The following TANK variants were observed in gnomAD, a reference collection of about 807,000 sequenced individuals.
The protein encoded by TANK is TRAF family member-associated NF-kappa-B activator.
In TANK, 15 loss-of-function variants were observed where a neutral mutation model predicts 43.6. The ratio of observed to expected loss-of-function variants is 0.34; its 90% CI spans 0.23 to 0.53. The LOEUF (loss-of-function observed/expected upper bound fraction) is 0.53, where lower values mean the gene tolerates loss of function less well. Among genes scored for constraint, TANK ranks in the 20% least tolerant of loss-of-function variants. The probability of loss-of-function intolerance (pLI) is 0.94; values close to 1 mark genes in which losing one functional copy is unlikely to be tolerated. For synonymous variants in TANK, 162 were observed against 178.2 expected (o/e 0.91, Z 0.73); for missense variants, 417 against 498.6 (o/e 0.84, Z 1.56).
At chr2:161,199,060 T>C (rs147386491) in intron 2 of TANK, among the ~76,000 whole-genome samples, 4 of 152,318 alleles carry the variant, frequency 2.6e-5, no homozygotes, top group African/African-American at 7.2e-5. Context: ...TTTAATTAGA[T>C]TGTGTCTAAT....
intron 1 of TANK, chr2:161,137,866 T>C (rs3769984): frequency 0.11 from 17,558 of 153,740 alleles, 1,752 homozygotes; most frequent in African/African-American, 0.26. Context: ...CCCAGCTACT[T>C]AGGAGGCTGA....
intron 4 of TANK, among the ~76,000 whole-genome samples, chr2:161,215,793 CA>C (rs1245412620): frequency 6.6e-6 from 1 of 152,178 alleles, no homozygotes; most frequent in Non-Finnish European, 1.5e-5. Context: ...TGCACCTATA[CA>C]CTCTGAGCTT....
At chr2:161,170,531 T>G (rs1272556403) in intron 1 of TANK, among the ~76,000 whole-genome samples, 2 of 152,218 alleles carry the variant, frequency 1.3e-5, no homozygotes, top group Non-Finnish European at 2.9e-5. Flanking sequence ...CCTGCGTTGG[T>G]GCATATTTGT....
intron 5 of TANK, 64 bp downstream of exon 5, chr2:161,224,055 T>TCA: frequency 1.7e-6 from 2 of 1,160,422 alleles, no homozygotes; most frequent in Non-Finnish European, 2.4e-6. Context: ...ATTTTATATT[T>TCA]GTTTTTTTTA....
intron 4 of TANK, chr2:161,219,850 A>G (rs1687265780): frequency 2.5e-6 from 1 of 394,534 alleles, no homozygotes. Context: ...TAAGTGACAA[A>G]TGAATCTTTA....
chr2:161,231,242 G>A lies in TANK; in HGVS notation c.792G>A (p.Val264=). 1.2e-6 allele frequency: 2 copies of A among 1,614,042 alleles called. No homozygotes were observed. Among genetic ancestry groups the A allele is most frequent in the East Asian group, 2.2e-5 (1 of 44,890 alleles). Residue 264 remains valine, a synonymous_variant, in exon 7 of 8, where the codon GTG becomes GTA. Coordinates refer to ENST00000392749, the MANE Select transcript of TANK (RefSeq NM_001199135.3). ...GILSPATSEA[V]CQEKFNMEFR... is the part of the protein sequence containing the mutation. ...TTAGTCCTGCCACGTCTGAGGCAGT[G>A]TGCCAAGAGAAATTTAATATGGAGT...
chr2:161,156,151 G>A, upstream of TANK: 1 of 985,404 alleles, frequency 1.0e-6, no homozygotes, highest in Non-Finnish European at 1.2e-6. Context: ...TCTTCAGGAA[G>A]AAGTTGGGGC....
Position 161,231,419 on chromosome 2 carries a change from G to C in TANK, c.969G>C (p.Leu323=). The change falls in exon 7 of 8, where the codon CTG becomes CTC. Residue 323 remains leucine (L), a synonymous_variant. Coordinates refer to ENST00000392749, the MANE Select transcript of TANK (RefSeq NM_001199135.3). ...TAAACACTTGTATCAGGACAACTCT[G>C]GATAGAGCTGCGTGTTTGCCACCTG... ...NLVNTCIRTT[L]DRAACLPPGD... is the part of the protein sequence containing the mutation. 6.2e-7 allele frequency: 1 copy of C among 1,614,134 alleles called. No individual in the cohort carries two copies. Among genetic ancestry groups the C allele is most frequent in the Non-Finnish European group, 8.5e-7 (1 of 1,180,012 alleles).
intron 6 of TANK, among the ~76,000 whole-genome samples, chr2:161,225,477 G>C (rs751454137): frequency 2.0e-5 from 3 of 152,142 alleles, no homozygotes. Flanking sequence ...ATGTGTTATA[G>C]TATGTTTTGT....
At chr2:161,204,095 T>C (rs1686540375) in intron 3 of TANK, among the ~76,000 whole-genome samples, 1 of 152,072 alleles carries the variant, frequency 6.6e-6, no homozygotes, top group South Asian at 2.1e-4. Context: ...GTGGACGATA[T>C]ATAGCAAAAT....
At chr2:161,207,293 G>A (rs1249566195) in intron 4 of TANK, 1 of 633,512 alleles carries the variant, frequency 1.6e-6, no homozygotes, top group Non-Finnish European at 2.0e-6. Context: ...ACGGTAAGAG[G>A]AAAAGCTCCA....
intron 2 of TANK, among the ~76,000 whole-genome samples, chr2:161,192,443 C>T (rs1354868655): frequency 6.6e-6 from 1 of 152,146 alleles, no homozygotes; most frequent in Admixed American, 6.5e-5. Context: ...ATTTATTTTA[C>T]CTGGCCTCTA....
intron 2 of TANK, among the ~76,000 whole-genome samples, chr2:161,191,322 A>G (rs1685905664): frequency 1.3e-5 from 2 of 152,230 alleles, no homozygotes; most frequent in Non-Finnish European, 2.9e-5. Context: ...TACAGGATAT[A>G]AAGTGATAGT....
intron 1 of TANK, among the ~76,000 whole-genome samples, chr2:161,147,238 T>C (rs1683938547): frequency 6.6e-6 from 1 of 152,162 alleles, no homozygotes; most frequent in African/African-American, 2.4e-5. Context: ...TCCCCCACCC[T>C]GGGAACTTAG....
chr2:161,157,608 G>A (rs554622516), upstream of TANK, among the ~76,000 whole-genome samples: 150 of 152,314 alleles, frequency 9.8e-4, 1 homozygote, highest in Non-Finnish European at 1.7e-3. Flanking sequence ...CATAGTAACT[G>A]TTTATATTGC....
At chr2:161,160,561 G>T (rs1229880922) in intron 1 of TANK, 75 bp downstream of exon 1, 1 of 1,167,958 alleles carries the variant, frequency 8.6e-7, no homozygotes, top group East Asian at 2.9e-5. Flanking sequence ...ATGCGTGAGC[G>T]AGAGGGACGC....
At chr2:161,231,595 A>T in intron 7 of TANK, 44 bp downstream of exon 7, 1 of 1,554,050 alleles carries the variant, frequency 6.4e-7, no homozygotes. Flanking sequence ...GTGTGAACAC[A>T]CATTTTGCCA....
chr2:161,185,626 A>G (rs12465800), intron 2 of TANK, among the ~76,000 whole-genome samples: 6,095 of 149,582 alleles, frequency 0.041, 256 homozygotes, highest in East Asian at 0.18. Flanking sequence ...AAAACCAAAC[A>G]CCGCATATTC....
chr2:161,227,409 T>G (rs1687687628), intron 6 of TANK, among the ~76,000 whole-genome samples: 2 of 152,216 alleles, frequency 1.3e-5, no homozygotes, highest in African/African-American at 4.8e-5. Context: ...TTTAGCCTAA[T>G]GGTTCAGAGC....
Sources: allele counts gnomAD v4.1 joint callset (sites outside exome capture counted in the v4.1 genomes callset), GRCh38; gene constraint gnomAD v4.1.1; transcripts MANE v1.5; gene names NCBI Gene and HGNC (gene_info 2026-07-23, HGNC 2026-07-21).